The following CREB5 variants were observed in gnomAD, a reference collection of about 807,000 sequenced individuals.
CREB5 encodes the protein cyclic AMP-responsive element-binding protein 5.
A neutral mutation model predicts 57.1 loss-of-function variants in CREB5; 19 were observed. The ratio of observed to expected loss-of-function variants is 0.33; its 90% confidence interval spans 0.23 to 0.49. CREB5 has a LOEUF of 0.49. Ranked by LOEUF, CREB5 falls within the 20% of genes least tolerant of loss-of-function variation. CREB5 has a pLI of 0.99. For synonymous variants in CREB5, 238 were observed against 238.3 expected (o/e 1.00, Z 0.01); for missense variants, 579 against 671.6 (o/e 0.86, Z 1.52).
chr7:28,643,755 G>T (rs199540928), intron 5 of CREB5, among the ~76,000 whole-genome samples: 2 of 104,594 alleles, frequency 1.9e-5, no homozygotes, highest in African/African-American at 4.5e-5. Context: ...GGGAGGTGGG[G>T]GGGGGCGGAA....
chr7:28,426,022 G>C (rs1266304747), intron 1 of CREB5, among the ~76,000 whole-genome samples: 2 of 152,080 alleles, frequency 1.3e-5, no homozygotes, highest in Non-Finnish European at 2.9e-5. Flanking sequence ...CCTTTTCTTT[G>C]GTAGTCTTGA....
rs112356593 is a variant in CREB5, at chr7:28,790,432, G to A, written c.703-13767G>A. 9.2e-3 allele frequency among the ~76,000 whole-genome samples: 478 copies of A among 52,220 alleles called. 3 individuals carry two copies. The highest frequency in any genetic ancestry group is 0.056 in the African/African-American group (428 of 7,688). The allele number at this position is 52,220 out of a possible 152,430, so 34.3% of individuals were successfully genotyped here. ...TTTTAGCAGAAGAAAGAAAGAAAGA[G>A]AGAGAGAGAGAGAGAGAGAGAGAGA... On this transcript the variant is annotated intron_variant, in intron 7 of 10. Transcript: ENST00000357727.
intron 4 of CREB5, among the ~76,000 whole-genome samples, chr7:28,540,704 G>C (rs1004589220): frequency 6.6e-6 from 1 of 152,148 alleles, no homozygotes; most frequent in Non-Finnish European, 1.5e-5. Context: ...CCTGGTCTTA[G>C]ATAGCTTTTA....
At chr7:28,409,825 C>T (rs1260743311), upstream of CREB5, 6 of 450,834 alleles carry the variant, frequency 1.3e-5, no homozygotes, top group Non-Finnish European at 2.2e-5. This position sits in a 1 kb window ranked among gnomAD's most constrained non-coding sequence, Gnocchi z 4.4. Context: ...GGCGTGCGTG[C>T]GTGTGTGGGA....
chr7:28,673,234 A>G (rs1800137427), intron 5 of CREB5, among the ~76,000 whole-genome samples: 3 of 152,222 alleles, frequency 2.0e-5, no homozygotes, highest in African/African-American at 7.2e-5. Flanking sequence ...TTGTATACTC[A>G]GGGCCTTTTG....
chr7:28,551,665 C>T (rs189243120), intron 4 of CREB5, among the ~76,000 whole-genome samples: 27 of 152,208 alleles, frequency 1.8e-4, no homozygotes, highest in Non-Finnish European at 3.2e-4. Flanking sequence ...TGAGTGGTCC[C>T]GAGACCTGAC....
intron 1 of CREB5, among the ~76,000 whole-genome samples, chr7:28,328,139 C>A (rs908772993): frequency 6.6e-5 from 10 of 152,170 alleles, no homozygotes; most frequent in South Asian, 2.1e-4. Flanking sequence ...CAGTTGTCTG[C>A]AATATCAAGT....
intron 7 of CREB5, among the ~76,000 whole-genome samples, chr7:28,753,797 A>T (rs1441799537): frequency 6.6e-6 from 1 of 152,190 alleles, no homozygotes; most frequent in African/African-American, 2.4e-5. Flanking sequence ...GGAGAAAAAA[A>T]TTCAATATCT....
intron 5 of CREB5, among the ~76,000 whole-genome samples, chr7:28,649,721 T>C (rs1402703649): frequency 1.3e-5 from 2 of 152,334 alleles, no homozygotes; most frequent in South Asian, 2.1e-4. Flanking sequence ...TTATCTCTTA[T>C]ATTCTGTGTA....
chr7:28,668,696 G>A (rs1799921595), intron 5 of CREB5, among the ~76,000 whole-genome samples: 1 of 152,114 alleles, frequency 6.6e-6, no homozygotes, highest in South Asian at 2.1e-4. Context: ...GAAAGCAACG[G>A]GGAGTATTTT....
chr7:28,396,315 T>G (rs1030946838), intron 1 of CREB5, among the ~76,000 whole-genome samples: 3 of 152,186 alleles, frequency 2.0e-5, no homozygotes, highest in African/African-American at 7.2e-5. Flanking sequence ...CTTCCCCTTC[T>G]TTTTGGATGC....
intron 5 of CREB5, among the ~76,000 whole-genome samples, chr7:28,597,028 G>C (rs1162467261): frequency 6.6e-6 from 1 of 152,190 alleles, no homozygotes; most frequent in Non-Finnish European, 1.5e-5. Context: ...TGACGTTCTA[G>C]CCTGAGCTCA....
At chr7:28,427,645 C>T (rs1788560925) in intron 1 of CREB5, among the ~76,000 whole-genome samples, 2 of 152,064 alleles carry the variant, frequency 1.3e-5, no homozygotes, top group Non-Finnish European at 2.9e-5. Context: ...GTCACAGGGA[C>T]TTGGGGTCTG....
At chr7:28,312,210 A>G (rs1785292519) in intron 1 of CREB5, among the ~76,000 whole-genome samples, 1 of 151,720 alleles carries the variant, frequency 6.6e-6, no homozygotes, top group Non-Finnish European at 1.5e-5. Context: ...AAAAAGTGGA[A>G]TTTTAGCTAG....
At chr7:28,585,183 C>T (rs903175717) in intron 5 of CREB5, among the ~76,000 whole-genome samples, 4 of 152,202 alleles carry the variant, frequency 2.6e-5, no homozygotes, top group African/African-American at 9.7e-5. Flanking sequence ...ATTAAGCTGT[C>T]TGCCCTATAA....
rs1266107717 is a variant in CREB5 at position 28,746,842 on chromosome 7, T to C, written c.702+22510T>C. On this transcript the variant is annotated intron_variant, in intron 7 of 10. Coordinates refer to ENST00000357727, the MANE Select transcript of CREB5 (RefSeq NM_182898.4). ...ATTCGTATTTTAATGTCTTTCCTAA[T>C]GAGCCCTTTCAGTAATGAAATCCCC... 2.6e-5 allele frequency among the ~76,000 whole-genome samples: 4 copies of C among 152,300 alleles called. No individual in the cohort carries two copies. The South Asian group carries it at 6.2e-4, about 24-fold the overall frequency.
chr7:28,593,148 ACT>A (rs1283026658), intron 5 of CREB5, among the ~76,000 whole-genome samples: 1 of 152,134 alleles, frequency 6.6e-6, no homozygotes, highest in Non-Finnish European at 1.5e-5. Flanking sequence ...TGATAACCAC[ACT>A]CACACATATC....
At chr7:28,350,209 A>C (rs1786160294) in intron 1 of CREB5, among the ~76,000 whole-genome samples, 1 of 152,184 alleles carries the variant, frequency 6.6e-6, no homozygotes, top group South Asian at 2.1e-4. Context: ...ATCTCTGATT[A>C]TCTTAAAGAT....
chr7:28,658,467 A>G (rs1799423232), intron 5 of CREB5, among the ~76,000 whole-genome samples: 1 of 152,218 alleles, frequency 6.6e-6, no homozygotes, highest in Non-Finnish European at 1.5e-5. Context: ...ACAGTGGTGA[A>G]GGAGGCAAGA....
Sources: allele counts gnomAD v4.1 joint callset (sites outside exome capture counted in the v4.1 genomes callset), GRCh38; gene constraint gnomAD v4.1.1; non-coding constraint Gnocchi (gnomAD v3.1); transcripts MANE v1.5; gene names NCBI Gene and HGNC (gene_info 2026-07-23, HGNC 2026-07-21).